Variants in ATG7 observed in about 807,000 individuals in gnomAD.
ATG7 encodes autophagy related 7, also known as ubiquitin-like modifier-activating enzyme ATG7.
A neutral mutation model predicts 82.4 loss-of-function variants in ATG7; 70 were observed. That is an observed-to-expected ratio of 0.85 (90% confidence interval 0.70 to 1.04). ATG7 has a LOEUF of 1.04. Ranked by LOEUF, ATG7 falls within the 50% of genes least tolerant of loss-of-function variation. The pLI, the probability that ATG7 is intolerant of heterozygous loss-of-function variation, is 0.00. For missense variants in ATG7, 792 were observed against 864.3 expected (o/e 0.92, Z 1.05); for synonymous variants, 287 against 313.0 (o/e 0.92, Z 0.88).
At chr3:11,569,034 C>T in the ATG7 span, 285 of 729,814 alleles carry the variant, frequency 3.9e-4, 1 homozygote, top group Non-Finnish European at 4.5e-4. Flanking sequence ...AAGCCACACG[C>T]TCTCTAAGCT....
intron 10 of ATG7, 44 bp downstream of exon 10, chr3:11,331,472 A>G: frequency 7.0e-7 from 1 of 1,436,388 alleles, no homozygotes; most frequent in Non-Finnish European, 9.8e-7. Flanking sequence ...TGCCTTTGCC[A>G]GTATATGTTT....
At chr3:11,374,641 C>T (rs2077256649) in intron 18 of ATG7, among the ~76,000 whole-genome samples, 1 of 152,118 alleles carries the variant, frequency 6.6e-6, no homozygotes, top group Non-Finnish European at 1.5e-5. Flanking sequence ...TGTGGTGGCT[C>T]ACGCCTGTAA....
At chr3:11,346,555 G>A (rs1288152021) in intron 13 of ATG7, 2 of 152,110 alleles carry the variant, frequency 1.3e-5, no homozygotes, top group Non-Finnish European at 2.9e-5. Context: ...TAGCATTCCA[G>A]GAAACCAAAA....
chr3:11,544,361 C>A (rs547835608), intron 20 of ATG7, among the ~76,000 whole-genome samples: 1 of 152,326 alleles, frequency 6.6e-6, no homozygotes, highest in Admixed American at 6.5e-5. Flanking sequence ...CGTGAGGCCC[C>A]CCATCTGCAG....
At chr3:11,432,101 A>G (rs2082945887) in intron 20 of ATG7, among the ~76,000 whole-genome samples, 1 of 152,186 alleles carries the variant, frequency 6.6e-6, no homozygotes, top group African/African-American at 2.4e-5. Context: ...GTGAGGGTGC[A>G]TAGTGGAGAC....
chr3:11,518,276 G>C (rs759835462), intron 20 of ATG7, among the ~76,000 whole-genome samples: 1 of 152,168 alleles, frequency 6.6e-6, no homozygotes, highest in Non-Finnish European at 1.5e-5. Context: ...GCTGGGCACA[G>C]TGGCTCACGC....
chr3:11,515,220 CACTT>C (rs952944533), intron 20 of ATG7, among the ~76,000 whole-genome samples: 3 of 152,144 alleles, frequency 2.0e-5, no homozygotes, highest in African/African-American at 4.8e-5. Context: ...GACACTATAA[CACTT>C]AGCCACTTTT....
At chr3:11,488,744 G>T (rs1402877213) in intron 20 of ATG7, among the ~76,000 whole-genome samples, 1 of 152,188 alleles carries the variant, frequency 6.6e-6, no homozygotes, top group African/African-American at 2.4e-5. Context: ...TGCATCCCAG[G>T]GATGAAGCCC....
intron 19 of ATG7, among the ~76,000 whole-genome samples, chr3:11,421,657 C>G (rs1318227010): frequency 6.6e-6 from 1 of 152,190 alleles, no homozygotes; most frequent in African/African-American, 2.4e-5. Flanking sequence ...GACCTCCTTC[C>G]ATGAATCACG....
intron 5 of ATG7, chr3:11,304,756 T>C (rs1236780566): frequency 6.6e-6 from 1 of 152,252 alleles, no homozygotes; most frequent in Non-Finnish European, 1.5e-5. Context: ...AGATCCATTT[T>C]TACTAGGTTA....
intron 20 of ATG7, among the ~76,000 whole-genome samples, chr3:11,479,177 A>G (rs2088635049): frequency 6.6e-6 from 1 of 152,204 alleles, no homozygotes; most frequent in South Asian, 2.1e-4. Context: ...TTTCACATAT[A>G]TGAAATAACA....
chr3:11,282,899 A>C (rs957002025), intron 3 of ATG7, among the ~76,000 whole-genome samples: 3 of 152,176 alleles, frequency 2.0e-5, no homozygotes, highest in Non-Finnish European at 2.9e-5. Context: ...AGCAGCTAAG[A>C]ACATATGCTG....
At chr3:11,432,043 A>G (rs189766259) in intron 20 of ATG7, among the ~76,000 whole-genome samples, 2 of 152,218 alleles carry the variant, frequency 1.3e-5, no homozygotes, top group African/African-American at 4.8e-5. Context: ...TGAGATTAGC[A>G]GGCAAATTAC....
At chr3:11,479,105 GGCAGGCTCCA>G (rs1399058956) in intron 20 of ATG7, among the ~76,000 whole-genome samples, 6 of 151,286 alleles carry the variant, frequency 4.0e-5, no homozygotes, top group African/African-American at 1.5e-4. Context: ...TCTTCTCAAT[GGCAGGCTCCA>G]GCATTGCCTT....
At chr3:11,329,055 G>A (rs989733247) in intron 9 of ATG7, among the ~76,000 whole-genome samples, 6 of 152,150 alleles carry the variant, frequency 3.9e-5, no homozygotes, top group African/African-American at 1.2e-4. Context: ...AGATCGTGCC[G>A]CTGCACTCCA....
At chr3:11,419,165 T>G (rs572623506) in intron 19 of ATG7, among the ~76,000 whole-genome samples, 12 of 152,300 alleles carry the variant, frequency 7.9e-5, no homozygotes, top group Non-Finnish European at 1.5e-4. Context: ...AACAAGAAGT[T>G]AATAAAAACT....
intron 20 of ATG7, among the ~76,000 whole-genome samples, chr3:11,455,738 T>C (rs1057204409): frequency 6.6e-6 from 1 of 152,164 alleles, no homozygotes; most frequent in Non-Finnish European, 1.5e-5. Context: ...TATCTTTAGT[T>C]CTACAGTTAT....
intron 20 of ATG7, among the ~76,000 whole-genome samples, chr3:11,551,146 C>T (rs1041808929): frequency 6.6e-6 from 1 of 152,214 alleles, no homozygotes; most frequent in African/African-American, 2.4e-5. Context: ...ATGGTCTTCT[C>T]GTTTCTGTAC....
intron 18 of ATG7, among the ~76,000 whole-genome samples, chr3:11,368,925 C>G (rs2076813651): frequency 6.6e-6 from 1 of 150,978 alleles, no homozygotes; most frequent in Non-Finnish European, 1.5e-5. Flanking sequence ...TGCCATTCTT[C>G]TGAGCTTGGA....
Sources: allele counts gnomAD v4.1 joint callset (sites outside exome capture counted in the v4.1 genomes callset), GRCh38; gene constraint gnomAD v4.1.1; transcripts MANE v1.5; gene names NCBI Gene and HGNC (gene_info 2026-07-23, HGNC 2026-07-21).